The following PTPRM variants were observed in gnomAD, a reference collection of about 807,000 sequenced individuals.
PTPRM encodes protein tyrosine phosphatase receptor type M, also known as receptor-type tyrosine-protein phosphatase mu.
Under a neutral mutation model 186.7 loss-of-function variants are expected in PTPRM, and 47 were observed. The observed-to-expected ratio is 0.25, with a 90% CI of 0.20 to 0.32. The LOEUF (loss-of-function observed/expected upper bound fraction) is 0.32, where lower values mean the gene tolerates loss of function less well. Among genes scored for constraint, PTPRM ranks in the 10% least tolerant of loss-of-function variants. PTPRM has a pLI of 1.00. For synonymous variants in PTPRM, 668 were observed against 674.9 expected, an observed-to-expected ratio of 0.99 and a Z score of 0.16; for missense variants, 1,494 against 1,865.0, an observed-to-expected ratio of 0.80 and a Z score of 3.66.
chr18:8,101,319 C>A (rs1353443176), intron 11 of PTPRM, among the ~76,000 whole-genome samples: 2 of 152,192 alleles, frequency 1.3e-5, no homozygotes, highest in Non-Finnish European at 2.9e-5. Flanking sequence ...GCATCAAACA[C>A]AGATGTTATC....
At position 7,639,215 on chromosome 18, in the gene PTPRM, C is replaced by G. The variant is rs185247237; in HGVS notation, c.73+71324C>G. Among the ~76,000 whole-genome samples the G allele has an allele frequency of 2.0e-4, 31 of 152,248 alleles. No homozygotes were observed. The East Asian group carries it at 5.8e-3, about 28-fold the overall frequency. ...TCAGCCTCCCGAGTACCTGGGGCTA[C>G]AGATGCCTGCCACCACACCTGGCTA... is the stretch of plus-strand genomic sequence containing the variant. On this transcript the variant is annotated intron_variant, in intron 1 of 32. Transcript: ENST00000580170.
At chr18:8,099,686 C>T (rs956850401) in intron 11 of PTPRM, among the ~76,000 whole-genome samples, 2 of 152,146 alleles carry the variant, frequency 1.3e-5, no homozygotes, top group Admixed American at 1.3e-4. Context: ...TCCCAGTTCC[C>T]ACCAAATGAC....
chr18:7,823,823 G>A (rs547458681), intron 2 of PTPRM, among the ~76,000 whole-genome samples: 30 of 152,196 alleles, frequency 2.0e-4, no homozygotes, highest in African/African-American at 6.3e-4. Context: ...CTTGCAGATG[G>A]CCTATTGTGG....
At chr18:7,963,131 C>T (rs1231702829) in intron 7 of PTPRM, among the ~76,000 whole-genome samples, 1 of 152,218 alleles carries the variant, frequency 6.6e-6, no homozygotes. Flanking sequence ...TGAGGAGTAC[C>T]TTCCCTATTA....
At chr18:7,788,362 G>C (rs996864888) in intron 2 of PTPRM, among the ~76,000 whole-genome samples, 4 of 152,108 alleles carry the variant, frequency 2.6e-5, no homozygotes, top group African/African-American at 9.7e-5. Flanking sequence ...TTCTATGAAG[G>C]TTGAGATTAT....
intron 2 of PTPRM, among the ~76,000 whole-genome samples, chr18:7,865,792 G>A (rs971418723): frequency 3.3e-5 from 5 of 152,072 alleles, no homozygotes; most frequent in East Asian, 1.9e-4. Context: ...GATAGAATTC[G>A]GCTGTGAATC....
At chr18:7,687,528 A>T (rs762797703) in intron 1 of PTPRM, among the ~76,000 whole-genome samples, 1 of 152,208 alleles carries the variant, frequency 6.6e-6, no homozygotes, top group Non-Finnish European at 1.5e-5. Flanking sequence ...CGCTGCTACC[A>T]TAGTTGCTTT....
At position 8,239,152 on chromosome 18, in the gene PTPRM, C is replaced by T. The variant is rs568496047; in HGVS notation, c.2301-4906C>T. ...TAATGCTATCCCTCCCCCCTCCCCCCACCCCACAAGAGTCCCCAGAGTGTG... is the reference window on the plus strand; with the variant it reads ...TAATGCTATCCCTCCCCCCTCCCCCTACCCCACAAGAGTCCCCAGAGTGTG... On this transcript the variant is annotated intron_variant, in intron 14 of 32. Transcript: ENST00000580170. 7.8e-4 allele frequency among the ~76,000 whole-genome samples: 86 copies of T among 110,780 alleles called. 1 individual carries two copies. The highest frequency in any genetic ancestry group is 1.3e-3 in the Non-Finnish European group (70 of 55,524). The allele number at this position is 110,780 out of a possible 152,430, so 72.7% of individuals were successfully genotyped here. A position where few individuals can be genotyped will look rare whatever the true frequency, so the allele number is the denominator to read the frequency against.
intron 23 of PTPRM, among the ~76,000 whole-genome samples, chr18:8,347,923 A>G (rs2095513972): frequency 6.6e-6 from 1 of 152,222 alleles, no homozygotes; most frequent in Admixed American, 6.5e-5. Context: ...TAATGAAATT[A>G]TGGCATCTGT....
chr18:8,263,982 G>A (rs1378350453), intron 19 of PTPRM, among the ~76,000 whole-genome samples: 7 of 152,328 alleles, frequency 4.6e-5, no homozygotes, highest in African/African-American at 1.2e-4. Context: ...TGATAGTATA[G>A]ATGACAGCCT....
At chr18:8,201,620 A>G (rs954164785) in intron 14 of PTPRM, among the ~76,000 whole-genome samples, 7 of 152,162 alleles carry the variant, frequency 4.6e-5, no homozygotes, top group Non-Finnish European at 1.0e-4. Flanking sequence ...GTGCTGACCA[A>G]TTCGTTTCCT....
intron 7 of PTPRM, among the ~76,000 whole-genome samples, chr18:7,956,926 A>G (rs928091859): frequency 6.6e-6 from 1 of 152,230 alleles, no homozygotes; most frequent in Admixed American, 6.5e-5. Flanking sequence ...TTTGATCCCC[A>G]TAATACAGAT....
chr18:8,270,020 C>T (rs1478772787), intron 19 of PTPRM: 1 of 151,902 alleles, frequency 6.6e-6, no homozygotes. Context: ...CACTACAAAG[C>T]AGTCAATGAC....
chr18:8,289,321 A>G (rs1164677483), intron 19 of PTPRM, among the ~76,000 whole-genome samples: 2 of 151,234 alleles, frequency 1.3e-5, no homozygotes, highest in Admixed American at 6.6e-5. Context: ...GTAATATTCA[A>G]TAGAATAAGA....
chr18:7,648,836 G>T (rs554086342), intron 1 of PTPRM, among the ~76,000 whole-genome samples: 2 of 152,334 alleles, frequency 1.3e-5, no homozygotes, highest in Admixed American at 6.5e-5. Context: ...TTCTGCAGAT[G>T]CAGCCTGTTA....
intron 2 of PTPRM, among the ~76,000 whole-genome samples, chr18:7,821,647 A>G (rs1039687695): frequency 2.0e-5 from 3 of 152,218 alleles, no homozygotes; most frequent in African/African-American, 7.2e-5. Flanking sequence ...ATAAAATAGA[A>G]CAATTATAAT....
chr18:7,771,690 A>G (rs1431779940), intron 1 of PTPRM, among the ~76,000 whole-genome samples: 1 of 152,206 alleles, frequency 6.6e-6, no homozygotes, highest in African/African-American at 2.4e-5. Flanking sequence ...AGACAAATCT[A>G]GAAAGCTGGG....
At chr18:7,589,667 C>T (rs766816157) in intron 1 of PTPRM, among the ~76,000 whole-genome samples, 1 of 152,186 alleles carries the variant, frequency 6.6e-6, no homozygotes, top group Non-Finnish European at 1.5e-5. Context: ...CTGTATGTCT[C>T]TCTGCTCCTG....
At chr18:7,820,415 C>T (rs1209426553) in intron 2 of PTPRM, among the ~76,000 whole-genome samples, 1 of 152,198 alleles carries the variant, frequency 6.6e-6, no homozygotes, top group Admixed American at 6.5e-5. Context: ...AGAATGTGGC[C>T]TCTGCAAGTC....
Sources: gnomAD v4.1 joint callset for allele counts (sites outside exome capture counted in the v4.1 genomes callset) on GRCh38, gnomAD v4.1.1 for gene constraint, MANE v1.5 for transcripts, NCBI Gene and HGNC (gene_info 2026-07-23, HGNC 2026-07-21) for gene names.